The following KCND2 variants were observed in gnomAD, a reference collection of about 807,000 sequenced individuals.
KCND2 encodes the protein A-type voltage-gated potassium channel KCND2.
In KCND2, 16 loss-of-function variants were observed where a neutral mutation model predicts 54.4. The observed-to-expected ratio is 0.29, with a 90% CI of 0.20 to 0.45. The LOEUF (loss-of-function observed/expected upper bound fraction) is 0.45, where lower values mean the gene tolerates loss of function less well. Among genes scored for constraint, KCND2 ranks in the 20% least tolerant of loss-of-function variants. The probability of loss-of-function intolerance (pLI) is 1.00; values close to 1 mark genes in which losing one functional copy is unlikely to be tolerated. For missense variants in KCND2, 486 were observed against 824.2 expected (o/e 0.59, Z 5.02); for synonymous variants, 317 against 310.7 (o/e 1.02, Z -0.21).
chr7:120,300,039 T>C (rs1432280893), intron 1 of KCND2, among the ~76,000 whole-genome samples: 1 of 152,126 alleles, frequency 6.6e-6, no homozygotes, highest in Non-Finnish European at 1.5e-5. Context: ...ATGAAGAAAT[T>C]TTTAAGGATA....
At chr7:120,740,963 G>A (rs1792933737) in intron 2 of KCND2, 1 of 448,218 alleles carries the variant, frequency 2.2e-6, no homozygotes. Flanking sequence ...GTTTGGCATG[G>A]GATCTACCTA....
chr7:120,427,289 C>T (rs1801721980), intron 1 of KCND2, among the ~76,000 whole-genome samples: 1 of 152,176 alleles, frequency 6.6e-6, no homozygotes, highest in South Asian at 2.1e-4. Context: ...TCACCCTTTC[C>T]TCACATCCCC....
intron 1 of KCND2, among the ~76,000 whole-genome samples, chr7:120,506,228 G>C (rs1281490199): frequency 6.6e-6 from 1 of 151,546 alleles, no homozygotes; most frequent in East Asian, 1.9e-4. Flanking sequence ...TATTGAGTTC[G>C]ATCCAAGTGC....
rs761391082 is a variant in KCND2 at position 120,745,959 on chromosome 7, T to A, written c.1647T>A (p.His549Gln). The A allele has an allele frequency of 6.2e-7, 1 of 1,613,820 alleles. No homozygotes were observed. The highest frequency in any genetic ancestry group is 1.1e-5 in the South Asian group (1 of 91,080). ...RIPNANVSGS[H>Q]QGSIQELSTI... ...CAAATGCCAATGTATCAGGAAGCCA[T>A]CAAGGTAGTATACAAGAACTCAGCA... The change falls in exon 5 of 6, where the codon CAT (histidine) becomes CAA (glutamine). Residue 549 changes from histidine (H) to glutamine (Q), a missense_variant. By Grantham distance (24) the His-to-Gln change is conservative (BLOSUM62 0). Around this residue, in one of 7 missense-constraint regions of KCND2, gnomAD observed 202 missense variants for 252.7 expected, o/e 0.80. Transcript: ENST00000331113.
intron 1 of KCND2, among the ~76,000 whole-genome samples, chr7:120,421,260 A>C (rs989150207): frequency 1.3e-5 from 2 of 152,194 alleles, no homozygotes; most frequent in Non-Finnish European, 2.9e-5. Flanking sequence ...CATTGTTACC[A>C]CTAATGTCAT....
chr7:120,408,678 C>G (rs185228776), intron 1 of KCND2, among the ~76,000 whole-genome samples: 4 of 151,768 alleles, frequency 2.6e-5, no homozygotes, highest in African/African-American at 9.7e-5. Flanking sequence ...CCCCTGCCCC[C>G]CAACAGACAC....
intron 1 of KCND2, among the ~76,000 whole-genome samples, chr7:120,318,319 T>C (rs1799843663): frequency 6.6e-6 from 1 of 152,068 alleles, no homozygotes; most frequent in Non-Finnish European, 1.5e-5. Flanking sequence ...CAAAGAATGA[T>C]TACATATAAA....
intron 1 of KCND2, among the ~76,000 whole-genome samples, chr7:120,426,208 T>C (rs1801703691): frequency 6.6e-6 from 1 of 152,102 alleles, no homozygotes; most frequent in African/African-American, 2.4e-5. Flanking sequence ...AAACATATAA[T>C]ATATCCTTAA....
intron 1 of KCND2, among the ~76,000 whole-genome samples, chr7:120,561,713 G>A (rs1792236119): frequency 1.4e-5 from 2 of 144,418 alleles, no homozygotes; most frequent in Admixed American, 1.5e-4. Flanking sequence ...CCAGGTACAA[G>A]CGATTCTGCT....
intron 1 of KCND2, among the ~76,000 whole-genome samples, chr7:120,288,579 G>A (rs1174379999): frequency 6.6e-6 from 1 of 152,026 alleles, no homozygotes; most frequent in Non-Finnish European, 1.5e-5. Context: ...ATGATTTCAT[G>A]TTCTTTCTTG....
Position 120,275,221 on chromosome 7 carries a change from G to A in KCND2, c.589G>A (p.Val197Ile), listed in dbSNP as rs750056826. The change falls in exon 1 of 6, where the codon GTC becomes ATC. Residue 197 changes from valine to isoleucine, a missense_variant. Val to Ile is a conservative substitution (Grantham distance 29). Around this residue, in one of 7 missense-constraint regions of KCND2, gnomAD observed 231 missense variants for 386.0 expected, o/e 0.60. Coordinates refer to ENST00000331113, the MANE Select transcript of KCND2 (RefSeq NM_012281.3). ...FYYVTGFFIA[V>I]SVIANVVETV... ...CTATGTCACGGGGTTTTTCATTGCCGTCTCTGTCATCGCGAATGTGGTGGA... is the reference window on the plus strand; with the variant it reads ...CTATGTCACGGGGTTTTTCATTGCCATCTCTGTCATCGCGAATGTGGTGGA... The A allele has an allele frequency of 4.3e-6, 7 of 1,613,762 alleles. No individual in the cohort carries two copies. The highest frequency in any genetic ancestry group is 1.6e-4 in the Middle Eastern group (1 of 6,084).
At chr7:120,368,639 A>G (rs1029478738) in intron 1 of KCND2, among the ~76,000 whole-genome samples, 1 of 152,032 alleles carries the variant, frequency 6.6e-6, no homozygotes, top group Non-Finnish European at 1.5e-5. Context: ...ATTTCATTTA[A>G]ATTTGCAGGA....
At chr7:120,726,016 A>G (rs1460170929) in intron 1 of KCND2, among the ~76,000 whole-genome samples, 1 of 152,216 alleles carries the variant, frequency 6.6e-6, no homozygotes, top group Non-Finnish European at 1.5e-5. Flanking sequence ...TAATGCTGTG[A>G]ATAGTGGAAA....
intron 1 of KCND2, among the ~76,000 whole-genome samples, chr7:120,572,685 T>C (rs969020004): frequency 2.6e-5 from 4 of 152,138 alleles, no homozygotes; most frequent in African/African-American, 9.7e-5. Context: ...ACCCAGCTAA[T>C]TTTTGTACTT....
At chr7:120,672,202 C>T (rs981888245) in intron 1 of KCND2, among the ~76,000 whole-genome samples, 1 of 151,942 alleles carries the variant, frequency 6.6e-6, no homozygotes, top group Non-Finnish European at 1.5e-5. Context: ...TCTTTGACTC[C>T]TGTTACTCCT....
intron 1 of KCND2, among the ~76,000 whole-genome samples, chr7:120,630,868 G>A (rs1374620010): frequency 6.6e-6 from 1 of 152,146 alleles, no homozygotes; most frequent in East Asian, 1.9e-4. Context: ...GTATTTTAAA[G>A]AAGAAATTGA....
At chr7:120,446,993 A>C (rs1802026813) in intron 1 of KCND2, among the ~76,000 whole-genome samples, 1 of 152,196 alleles carries the variant, frequency 6.6e-6, no homozygotes, top group Admixed American at 6.6e-5. Flanking sequence ...TATAAATTAT[A>C]ACCAAATATT....
chr7:120,466,307 G>A (rs773390918), intron 1 of KCND2, among the ~76,000 whole-genome samples: 5 of 152,034 alleles, frequency 3.3e-5, no homozygotes, highest in African/African-American at 4.8e-5. Context: ...AAATAGAAAC[G>A]TTCAATGAAG....
intron 1 of KCND2, among the ~76,000 whole-genome samples, chr7:120,453,278 G>T (rs994577804): frequency 2.0e-5 from 3 of 152,158 alleles, no homozygotes; most frequent in African/African-American, 7.2e-5. Flanking sequence ...TCCCCCAGCT[G>T]ATGTGTGAGC....
Sources: allele counts gnomAD v4.1 joint callset (sites outside exome capture counted in the v4.1 genomes callset), GRCh38; gene constraint gnomAD v4.1.1; regional missense constraint gnomAD v4.1.1; transcripts MANE v1.5; gene names NCBI Gene and HGNC (gene_info 2026-07-23, HGNC 2026-07-21).